ZNF407: variants seen among roughly 807,000 people sequenced by gnomAD.
The protein encoded by ZNF407 is zinc finger protein 407.
ZNF407 carries 17 observed loss-of-function variants against 131.2 expected under a neutral mutation model. The ratio of observed to expected loss-of-function variants is 0.13; its 90% CI spans 0.09 to 0.19. The LOEUF (loss-of-function observed/expected upper bound fraction) is 0.19. Among genes scored for constraint, ZNF407 ranks in the 10% least tolerant of loss-of-function variants. The pLI is 1.00. For synonymous variants in ZNF407, 1,156 were observed against 1,062.0 expected (o/e 1.09, Z -1.72); for missense variants, 2,681 against 2,830.6 (o/e 0.95, Z 1.20).
rs150804544 is a variant in ZNF407 at position 75,047,430 on chromosome 18, G to A, written c.5429-15720G>A. Among the ~76,000 whole-genome samples the A allele has an allele frequency of 4.6e-3, 695 of 152,282 alleles. 4 individuals carry two copies. The highest frequency in any genetic ancestry group is 0.015 in the African/African-American group (640 of 41,570). ...GACCCTCTGCCTTCTGCCCTTCTGC[G>A]GCCTCACGTTGAAGGTGACTCTGCT... On this transcript the variant is annotated intron_variant, in intron 8 of 8. Transcript: ENST00000299687.
chr18:74,756,365 G>A (rs1467976784), intron 3 of ZNF407, among the ~76,000 whole-genome samples: 4 of 152,088 alleles, frequency 2.6e-5, no homozygotes, highest in Non-Finnish European at 4.4e-5. Context: ...GGGCAGGTTG[G>A]AATTTTGATA....
At chr18:74,751,409 C>A (rs187539698) in intron 3 of ZNF407, among the ~76,000 whole-genome samples, 4 of 152,052 alleles carry the variant, frequency 2.6e-5, no homozygotes, top group Admixed American at 2.0e-4. Context: ...TTCTAGGGTA[C>A]ATGTGCACAA....
intron 4 of ZNF407, among the ~76,000 whole-genome samples, chr18:74,827,876 G>A (rs1344088661): frequency 2.6e-5 from 4 of 152,184 alleles, no homozygotes. Flanking sequence ...ACCTCACAGG[G>A]TTAATTTTAG....
intron 8 of ZNF407, among the ~76,000 whole-genome samples, chr18:74,951,306 G>A (rs1281216226): frequency 4.6e-5 from 7 of 152,208 alleles, no homozygotes; most frequent in Non-Finnish European, 1.0e-4. Flanking sequence ...GAGTAACAAA[G>A]GCTTGCCCTT....
intron 3 of ZNF407, among the ~76,000 whole-genome samples, chr18:74,680,320 A>G (rs1355089517): frequency 6.6e-6 from 1 of 151,908 alleles, no homozygotes; most frequent in Non-Finnish European, 1.5e-5. Context: ...GAGGGGAGAG[A>G]ATCACTTAAT....
chr18:74,816,902 C>G (rs1484552398), intron 4 of ZNF407, among the ~76,000 whole-genome samples: 2 of 151,580 alleles, frequency 1.3e-5, no homozygotes, highest in Non-Finnish European at 2.9e-5. Flanking sequence ...ATTTCTTTTC[C>G]TTTTGTCTGT....
intron 5 of ZNF407, among the ~76,000 whole-genome samples, chr18:74,879,424 T>C (rs997777967): frequency 2.0e-4 from 31 of 152,224 alleles, no homozygotes; most frequent in African/African-American, 7.5e-4. Context: ...CAACGAGGAA[T>C]TGATTGGAGG....
chr18:74,705,148 A>C (rs1413865965), intron 3 of ZNF407, among the ~76,000 whole-genome samples: 1 of 59,730 alleles, frequency 1.7e-5, no homozygotes, highest in Non-Finnish European at 3.6e-5. Context: ...TGAGAAAAAT[A>C]CATTTTTTTT....
At chr18:75,052,133 G>A (rs1296856254) in intron 8 of ZNF407, among the ~76,000 whole-genome samples, 1 of 152,174 alleles carries the variant, frequency 6.6e-6, no homozygotes, top group African/African-American at 2.4e-5. Flanking sequence ...TGTCCACGAA[G>A]GCGTGTGCTT....
intron 3 of ZNF407, among the ~76,000 whole-genome samples, chr18:74,732,711 C>T (rs985911008): frequency 7.2e-5 from 11 of 152,162 alleles, no homozygotes; most frequent in African/African-American, 2.4e-4. Flanking sequence ...TTAAAATGTA[C>T]TTGTGAATAA....
chr18:74,831,543 A>G (rs1169109542), intron 4 of ZNF407, among the ~76,000 whole-genome samples: 1 of 152,160 alleles, frequency 6.6e-6, no homozygotes, highest in African/African-American at 2.4e-5. Flanking sequence ...GACTGATTTC[A>G]CATAGCATAA....
At chr18:74,618,062 G>C (rs1463773478) in intron 1 of ZNF407, among the ~76,000 whole-genome samples, 3 of 152,122 alleles carry the variant, frequency 2.0e-5, no homozygotes, top group Non-Finnish European at 4.4e-5. Flanking sequence ...ATTGAACTGG[G>C]CTTACTCATT....
chr18:75,037,698 G>C (rs1973325775), intron 8 of ZNF407, among the ~76,000 whole-genome samples: 1 of 152,130 alleles, frequency 6.6e-6, no homozygotes, highest in African/African-American at 2.4e-5. Flanking sequence ...GTAGCACATT[G>C]TTCTGAGATA....
At chr18:75,025,585 C>T (rs1568304563) in intron 8 of ZNF407, among the ~76,000 whole-genome samples, 1 of 152,192 alleles carries the variant, frequency 6.6e-6, no homozygotes. Context: ...TCCCTTCCCA[C>T]CTTTTCCCCA....
At chr18:75,054,860 C>G (rs1364219029) in intron 8 of ZNF407, among the ~76,000 whole-genome samples, 1 of 152,240 alleles carries the variant, frequency 6.6e-6, no homozygotes, top group Non-Finnish European at 1.5e-5. Flanking sequence ...GAGGGACTGA[C>G]ATTCCACAGC....
Position 75,065,021 on chromosome 18 carries a change from A to G in ZNF407, c.*553A>G, listed in dbSNP as rs1179144598. 1 of 152,164 alleles carries G rather than the reference A, an allele frequency of 6.6e-6. No homozygotes were observed. Among genetic ancestry groups the G allele is most frequent in the African/African-American group, 2.4e-5 (1 of 41,324 alleles). The allele number at this position is 152,164 out of a possible 1,614,324, so 9.4% of individuals were successfully genotyped here. On this transcript the variant is annotated 3_prime_UTR_variant, in exon 9 of 9. Coordinates refer to ENST00000299687, the MANE Select transcript of ZNF407 (RefSeq NM_017757.3). Reference sequence around the variant, plus strand: ...CATTCAATTTTTTTTTTTTAATTTTAGAATAACAGTGTCCCCATACCAAAG... The same window carrying G: ...CATTCAATTTTTTTTTTTTAATTTTGGAATAACAGTGTCCCCATACCAAAG...
At chr18:74,880,144 T>G (rs1568252726) in intron 5 of ZNF407, among the ~76,000 whole-genome samples, 1 of 152,234 alleles carries the variant, frequency 6.6e-6, no homozygotes, top group African/African-American at 2.4e-5. Context: ...TCTTCTATTT[T>G]GCCTTTCTTT....
rs1332897592 is a variant in ZNF407 at position 74,783,552 on chromosome 18, GT to G, written c.4877+2061del. ...CGAATTTGAGAATCAAAAATTTACT[GT>G]TTTTTTTTTTCATTTACCCTTTTCG... On this transcript the variant is annotated intron_variant, in intron 4 of 8. Transcript: ENST00000299687. 2.6e-3 allele frequency among the ~76,000 whole-genome samples: 369 copies of G among 142,754 alleles called. 1 individual carries two copies. The highest frequency in any genetic ancestry group is 6.2e-3 in the African/African-American group (241 of 38,992). 93.7% of individuals were successfully genotyped at this position (142,754 alleles called of 152,430 possible).
chr18:74,981,910 G>A (rs1972597698), intron 8 of ZNF407, among the ~76,000 whole-genome samples: 1 of 152,224 alleles, frequency 6.6e-6, no homozygotes, highest in African/African-American at 2.4e-5. Context: ...GTAGGATTTA[G>A]TGGCTTTGTA....
Sources: allele counts gnomAD v4.1 joint callset (sites outside exome capture counted in the v4.1 genomes callset), GRCh38; gene constraint gnomAD v4.1.1; transcripts MANE v1.5; gene names NCBI Gene and HGNC (gene_info 2026-07-23, HGNC 2026-07-21).